The following NLGN4X variants were observed in gnomAD, a reference collection of about 807,000 sequenced individuals.
NLGN4X encodes the protein neuroligin 4 X-linked.
A neutral mutation model predicts 40.3 loss-of-function variants in NLGN4X; 3 were observed. The ratio of observed to expected loss-of-function variants is 0.07; its 90% confidence interval spans 0.03 to 0.19. NLGN4X has a LOEUF of 0.19. Among genes scored for constraint, NLGN4X ranks in the 10% least tolerant of loss-of-function variants. The pLI is 1.00. For synonymous variants in NLGN4X, 270 were observed against 306.8 expected, an observed-to-expected ratio of 0.88 and a Z score of 1.25; for missense variants, 382 against 708.3, an observed-to-expected ratio of 0.54 and a Z score of 5.23.
chrX:6,018,601 C>T (rs1409550908), intron 3 of NLGN4X, among the ~76,000 whole-genome samples: 2 of 111,260 alleles, frequency 1.8e-5, no homozygotes, highest in Non-Finnish European at 3.8e-5. Flanking sequence ...GCTGAGACTA[C>T]AGGCATGCAA....
chrX:6,147,004 C>T (rs756629581), intron 2 of NLGN4X, among the ~76,000 whole-genome samples: 2 of 111,432 alleles, frequency 1.8e-5, no homozygotes, highest in Non-Finnish European at 3.8e-5. Context: ...ATTGGCCAGG[C>T]TGGTCACGAA....
In NLGN4X at chrX:6,151,003, G is replaced by C; in HGVS notation, c.464C>G (p.Thr155Arg). ...TCCAGTGAGGTACTCACCATCTTCCGTGGGCACGTAGATGTTTAAGTAAAG... is the reference window on the plus strand; with the variant it reads ...TCCAGTGAGGTACTCACCATCTTCCCTGGGCACGTAGATGTTTAAGTAAAG... ...DCLYLNIYVP[T>R]EDDIHDQNSK... The change falls in exon 2 of 6, where the codon ACG (threonine) becomes AGG (arginine). Residue 155 changes from threonine (T) to arginine (R), a missense_variant. Thr to Arg is a moderately conservative substitution (Grantham distance 71, BLOSUM62 -1). This residue lies in a region of NLGN4X where 115 missense variants were observed against 149.6 expected (regional missense o/e 0.77). Transcript: ENST00000381095. 8.3e-7 allele frequency: 1 copy of C among 1,205,832 alleles called. No individual in the cohort carries two copies. Among genetic ancestry groups the C allele is most frequent in the Non-Finnish European group, 1.1e-6 (1 of 889,834 alleles).
chrX:6,143,009 A>T (rs2039978990), intron 2 of NLGN4X, among the ~76,000 whole-genome samples: 2 of 112,258 alleles, frequency 1.8e-5, no homozygotes, highest in South Asian at 7.4e-4. Flanking sequence ...GTTATGTCAC[A>T]GACGTTCAAC....
At chrX:5,938,801 T>C (rs1291596625) in intron 3 of NLGN4X, among the ~76,000 whole-genome samples, 1 of 111,780 alleles carries the variant, frequency 8.9e-6, no homozygotes, top group African/African-American at 3.3e-5. Context: ...CTTAATAATC[T>C]ATGCATATTT....
At chrX:5,996,367 G>A (rs749513306) in intron 3 of NLGN4X, among the ~76,000 whole-genome samples, 1 of 111,720 alleles carries the variant, frequency 9.0e-6, no homozygotes, top group Non-Finnish European at 1.9e-5. Flanking sequence ...CTGTGCTACC[G>A]AGTTTGATTC....
At chrX:6,182,220 T>A (rs925491432) in intron 1 of NLGN4X, among the ~76,000 whole-genome samples, 1 of 111,993 alleles carries the variant, frequency 8.9e-6, no homozygotes, top group African/African-American at 3.2e-5. Flanking sequence ...TCACTGGCCA[T>A]CAGTCTTTGG....
chrX:6,190,228 A>G (rs1191712831), intron 1 of NLGN4X, among the ~76,000 whole-genome samples: 1 of 111,702 alleles, frequency 9.0e-6, no homozygotes, highest in Non-Finnish European at 1.9e-5. Context: ...GTTGGAAACA[A>G]GAGTTCCATA....
intron 3 of NLGN4X, among the ~76,000 whole-genome samples, chrX:5,912,003 A>G (rs778576071): frequency 8.9e-6 from 1 of 112,344 alleles, no homozygotes; most frequent in East Asian, 2.8e-4. Context: ...GCTTAGTTGA[A>G]TGATTACCAG....
At chrX:6,206,869 T>A (rs1359338537) in intron 1 of NLGN4X, among the ~76,000 whole-genome samples, 1 of 112,038 alleles carries the variant, frequency 8.9e-6, no homozygotes, top group Non-Finnish European at 1.9e-5. Context: ...TTTCAATATA[T>A]CTTTTTGGGG....
At chrX:6,079,347 T>C (rs2038287717) in intron 2 of NLGN4X, among the ~76,000 whole-genome samples, 1 of 112,347 alleles carries the variant, frequency 8.9e-6, no homozygotes, top group Admixed American at 9.4e-5. Context: ...ACAGAGTTAA[T>C]AAACAGTGTA....
chrX:5,935,944 G>A (rs1211368337), intron 3 of NLGN4X, among the ~76,000 whole-genome samples: 5 of 111,543 alleles, frequency 4.5e-5, no homozygotes, highest in African/African-American at 6.5e-5. Context: ...AATAAAAGAA[G>A]GAAATAATGA....
chrX:6,064,374 T>C (rs976599443), intron 2 of NLGN4X, among the ~76,000 whole-genome samples: 1 of 111,797 alleles, frequency 8.9e-6, no homozygotes, highest in African/African-American at 3.3e-5. Context: ...CTCAAAAACA[T>C]GTCAAACTCT....
chrX:6,204,135 A>T (rs1178482134), intron 1 of NLGN4X, among the ~76,000 whole-genome samples: 1 of 112,535 alleles, frequency 8.9e-6, no homozygotes, highest in African/African-American at 3.2e-5. Flanking sequence ...TGTATAAACG[A>T]AGAAGGAAGA....
At chrX:5,949,670 A>C (rs1345400875) in intron 3 of NLGN4X, among the ~76,000 whole-genome samples, 1 of 112,327 alleles carries the variant, frequency 8.9e-6, no homozygotes, top group East Asian at 2.8e-4. Flanking sequence ...CGCATTATTT[A>C]AACATTTTAA....
chrX:5,933,049 A>C (rs1254674734), intron 3 of NLGN4X, among the ~76,000 whole-genome samples: 1 of 110,938 alleles, frequency 9.0e-6, no homozygotes, highest in African/African-American at 3.3e-5. Flanking sequence ...AGACATTAGC[A>C]GACACAGGAG....
intron 5 of NLGN4X, among the ~76,000 whole-genome samples, chrX:5,898,536 T>C (rs2031653782): frequency 9.0e-6 from 1 of 111,292 alleles, no homozygotes; most frequent in Non-Finnish European, 1.9e-5. Flanking sequence ...CCCCATCCAC[T>C]TCATCTTGGC....
chrX:6,192,472 A>G (rs957106191), intron 1 of NLGN4X, among the ~76,000 whole-genome samples: 1 of 111,490 alleles, frequency 9.0e-6, no homozygotes, highest in African/African-American at 3.3e-5. Context: ...TTTATTACCC[A>G]TGTTTGACAG....
At chrX:6,029,866 A>C (rs748073727) in intron 2 of NLGN4X, among the ~76,000 whole-genome samples, 1 of 111,861 alleles carries the variant, frequency 8.9e-6, no homozygotes, top group African/African-American at 3.2e-5. Context: ...ATATAGTTGC[A>C]TCTTAATTCG....
intron 3 of NLGN4X, among the ~76,000 whole-genome samples, chrX:5,930,933 T>C (rs2033524260): frequency 8.9e-6 from 1 of 112,240 alleles, no homozygotes; most frequent in Non-Finnish European, 1.9e-5. Flanking sequence ...ATCCTATTGA[T>C]TTACCCCATC....
Sources: allele counts gnomAD v4.1 joint callset (sites outside exome capture counted in the v4.1 genomes callset), GRCh38; gene constraint gnomAD v4.1.1; regional missense constraint gnomAD v4.1.1; transcripts MANE v1.5; gene names NCBI Gene and HGNC (gene_info 2026-07-23, HGNC 2026-07-21).